Variants in TMEM132C observed in about 807,000 individuals in gnomAD.
TMEM132C encodes protein phosphatase 1, regulatory subunit 152.
Under a neutral mutation model 61.4 loss-of-function variants are expected in TMEM132C, and 29 were observed. That is an observed-to-expected ratio of 0.47 (90% confidence interval 0.35 to 0.64). The LOEUF (loss-of-function observed/expected upper bound fraction) is 0.64, where lower values mean the gene tolerates loss of function less well. Among genes scored for constraint, TMEM132C ranks in the 30% least tolerant of loss-of-function variants. The pLI is 0.00. For synonymous variants in TMEM132C, 656 were observed against 633.1 expected, an observed-to-expected ratio of 1.04 and a Z score of -0.54; for missense variants, 1,408 against 1,476.9, an observed-to-expected ratio of 0.95 and a Z score of 0.76.
chr12:128,394,807 A>G (rs574309309), intron 1 of TMEM132C, among the ~76,000 whole-genome samples: 2 of 152,064 alleles, frequency 1.3e-5, no homozygotes, highest in South Asian at 2.1e-4. Context: ...CTTTTCAGCC[A>G]GCCAAATCGG....
intron 2 of TMEM132C, among the ~76,000 whole-genome samples, chr12:128,528,604 CTTAG>C (rs767997630): frequency 6.6e-6 from 1 of 152,082 alleles, no homozygotes; most frequent in Non-Finnish European, 1.5e-5. Context: ...CCAGATAATT[CTTAG>C]TTAGTGTGGT....
chr12:128,567,307 T>A (rs762365290), intron 3 of TMEM132C, among the ~76,000 whole-genome samples: 4 of 152,140 alleles, frequency 2.6e-5, no homozygotes, highest in Non-Finnish European at 5.9e-5. Context: ...AGGAGTAAGC[T>A]TGAATTCTAC....
intron 1 of TMEM132C, among the ~76,000 whole-genome samples, chr12:128,368,232 G>A (rs1207244048): frequency 6.6e-6 from 1 of 152,206 alleles, no homozygotes; most frequent in Non-Finnish European, 1.5e-5. Flanking sequence ...TGCAGCTCAG[G>A]ACTAATTTGT....
rs78507579 is a variant in TMEM132C at position 128,403,395 on chromosome 12, T to G, written c.86-11337T>G. On this transcript the variant is annotated intron_variant, in intron 1 of 8. Coordinates refer to ENST00000435159, the MANE Select transcript of TMEM132C (RefSeq NM_001136103.3). ...AGAGATGTCTGATGCAGGAGACACC[T>G]CCAAAGTCCTGAAAAGAGCCCACTT... Among the ~76,000 whole-genome samples, 1,461 of 152,240 alleles carry G rather than the reference T, an allele frequency of 9.6e-3. 10 individuals are homozygous for G. Among genetic ancestry groups the G allele is most frequent in the South Asian group, 0.018 (87 of 4,820 alleles).
intron 2 of TMEM132C, among the ~76,000 whole-genome samples, chr12:128,425,102 G>GT (rs1323089453): frequency 1.3e-5 from 2 of 152,190 alleles, no homozygotes; most frequent in African/African-American, 4.8e-5. Flanking sequence ...AGAGGTAGTG[G>GT]TAAGAGGATA....
chr12:128,707,028 T>G lies in TMEM132C; in HGVS notation c.*733T>G, dbSNP rs560988961. 1 of 152,244 alleles carries G rather than the reference T, an allele frequency of 6.6e-6. No individual in the cohort carries two copies. Among genetic ancestry groups the G allele is most frequent in the African/African-American group, 2.4e-5 (1 of 41,476 alleles). 9.4% of individuals were successfully genotyped at this position (152,244 alleles called of 1,614,324 possible). On this transcript the variant is annotated 3_prime_UTR_variant, in exon 9 of 9. Coordinates refer to ENST00000435159, the MANE Select transcript of TMEM132C (RefSeq NM_001136103.3). Reference sequence around the variant, plus strand: ...CTAGGAACAATGCCAATTAATCCATTGTTTAAGTAGTAACTTGAATGTTTT... The same window carrying G: ...CTAGGAACAATGCCAATTAATCCATGGTTTAAGTAGTAACTTGAATGTTTT...
rs1412664329 is a variant in TMEM132C, at chr12:128,606,908, G to A, written c.1122-9244G>A. Among the ~76,000 whole-genome samples the A allele has an allele frequency of 5.9e-5, 9 of 152,136 alleles. No individual in the cohort carries two copies. The South Asian group carries it at 1.5e-3, about 25-fold the overall frequency. On this transcript the variant is annotated intron_variant, in intron 3 of 8. Transcript: ENST00000435159. ...GGATATGAAGTCCTGTTATTGCTGG[G>A]GCTCACCAGTAAACAAAGCAAGTTT... is the stretch of plus-strand genomic sequence containing the variant.
rs922509238 is a variant in TMEM132C at position 128,388,588 on chromosome 12, G to A, written c.86-26144G>A. Among the ~76,000 whole-genome samples, 2 of 152,260 alleles carry A rather than the reference G, an allele frequency of 1.3e-5. 1 individual carries two copies. The highest frequency in any genetic ancestry group is 2.9e-5 in the Non-Finnish European group (2 of 68,016). Reference sequence around the variant, plus strand: ...GAAGGTGTCGCTGAGTCTGAGCTCCGCAGCCTCTGACCAGCTTGGACCAGC... The same window carrying A: ...GAAGGTGTCGCTGAGTCTGAGCTCCACAGCCTCTGACCAGCTTGGACCAGC... On this transcript the variant is annotated intron_variant, in intron 1 of 8. Coordinates refer to ENST00000435159, the MANE Select transcript of TMEM132C (RefSeq NM_001136103.3).
rs368908628 is a variant in TMEM132C, at chr12:128,627,159, C to T, written c.1305+10824C>T. On this transcript the variant is annotated intron_variant, in intron 4 of 8. Transcript: ENST00000435159. ...TGCCCCAAGATGGTGCTGACAGCTG[C>T]GTTCCCTGCCCCCATTCCAGCACAT... Among the ~76,000 whole-genome samples, 26 of 152,294 alleles carry T rather than the reference C, an allele frequency of 1.7e-4. 1 individual carries two copies. In the South Asian group the frequency reaches 3.7e-3, roughly 22 times the overall value.
chr12:128,629,617 C>T (rs1954048978), intron 4 of TMEM132C, among the ~76,000 whole-genome samples: 1 of 152,082 alleles, frequency 6.6e-6, no homozygotes, highest in Admixed American at 6.6e-5. Context: ...AAGTCTCAGC[C>T]CTGCAGGTCC....
chr12:128,462,373 A>G (rs1234136872), intron 2 of TMEM132C, among the ~76,000 whole-genome samples: 1 of 152,090 alleles, frequency 6.6e-6, no homozygotes, highest in African/African-American at 2.4e-5. Flanking sequence ...TCCCAAAGTA[A>G]AGGTGGAATT....
At chr12:128,330,342 T>G (rs567925380) in intron 1 of TMEM132C, among the ~76,000 whole-genome samples, 1 of 152,292 alleles carries the variant, frequency 6.6e-6, no homozygotes, top group South Asian at 2.1e-4. Flanking sequence ...CTCTCTGCTG[T>G]GTGATCCCCA....
intron 2 of TMEM132C, among the ~76,000 whole-genome samples, chr12:128,425,187 T>G (rs1378721850): frequency 6.6e-6 from 1 of 152,182 alleles, no homozygotes. Context: ...CAACACATAA[T>G]CTAATGAAGA....
intron 2 of TMEM132C, among the ~76,000 whole-genome samples, chr12:128,523,914 G>A (rs1872996148): frequency 6.6e-6 from 1 of 151,756 alleles, no homozygotes; most frequent in African/African-American, 2.4e-5. Context: ...TCAGGAGGCT[G>A]AGGTGGGAGG....
At chr12:128,467,277 C>T (rs539389805) in intron 2 of TMEM132C, among the ~76,000 whole-genome samples, 2 of 152,282 alleles carry the variant, frequency 1.3e-5, no homozygotes, top group Admixed American at 6.5e-5. Context: ...CACCCAGGAA[C>T]AATGGGAGAA....
intron 1 of TMEM132C, among the ~76,000 whole-genome samples, chr12:128,392,280 C>T (rs1048864089): frequency 4.6e-5 from 7 of 152,176 alleles, no homozygotes; most frequent in African/African-American, 7.2e-5. Flanking sequence ...CCCAGGCAGC[C>T]GAGTTTACAA....
intron 5 of TMEM132C, among the ~76,000 whole-genome samples, chr12:128,675,889 A>G (rs576292099): frequency 6.9e-6 from 1 of 145,148 alleles, no homozygotes; most frequent in African/African-American, 2.5e-5. Context: ...AGATAAATAG[A>G]TAGATAGATA....
At chr12:128,541,169 A>C (rs188563984) in intron 2 of TMEM132C, among the ~76,000 whole-genome samples, 1 of 152,248 alleles carries the variant, frequency 6.6e-6, no homozygotes, top group East Asian at 1.9e-4. Flanking sequence ...GGTTTATTAA[A>C]AAGGATGTTA....
chr12:128,698,830 C>T (rs1221012744), intron 8 of TMEM132C, among the ~76,000 whole-genome samples: 1 of 152,162 alleles, frequency 6.6e-6, no homozygotes, highest in Non-Finnish European at 1.5e-5. Context: ...CTGAGCAATG[C>T]TGGAGGAGGT....
Sources: allele counts gnomAD v4.1 joint callset (sites outside exome capture counted in the v4.1 genomes callset), GRCh38; gene constraint gnomAD v4.1.1; transcripts MANE v1.5; gene names NCBI Gene and HGNC (gene_info 2026-07-23, HGNC 2026-07-21).